The following TTC39C variants were observed in gnomAD, a reference collection of about 807,000 sequenced individuals.
TTC39C encodes tetratricopeptide repeat domain 39C, also known as tetratricopeptide repeat protein 39C.
Under a neutral mutation model 76.3 loss-of-function variants are expected in TTC39C, and 33 were observed. That is an observed-to-expected ratio of 0.43 (90% CI 0.33 to 0.58). The LOEUF (loss-of-function observed/expected upper bound fraction) is 0.58. TTC39C is among the 20% of genes least tolerant of loss of function. The pLI, the probability that TTC39C is intolerant of heterozygous loss-of-function variation, is 0.04. For synonymous variants in TTC39C, 254 were observed against 260.6 expected, an observed-to-expected ratio of 0.97 and a Z score of 0.24; for missense variants, 595 against 701.4, an observed-to-expected ratio of 0.85 and a Z score of 1.71.
rs757168701 is a variant in TTC39C, at chr18:24,123,875, G to C, written c.1228G>C (p.Val410Leu). ...ATGDVDGAQI[V>L]FKEVQKLFKR... ...TGGTGATGTGGATGGGGCACAGATT[G>C]TCTTTAAAGAAGTTCAGAAACTCTT... Residue 410 changes from valine (V) to leucine (L), a missense_variant, in exon 9 of 14, where the codon GTC becomes CTC. Physicochemically the swap from Val to Leu is conservative, Grantham distance 32. Coordinates refer to ENST00000317571, the MANE Select transcript of TTC39C (RefSeq NM_001135993.2). 6.2e-7 allele frequency: 1 copy of C among 1,612,384 alleles called. No homozygotes were observed. The highest frequency in any genetic ancestry group is 8.5e-7 in the Non-Finnish European group (1 of 1,179,676).
intron 1 of TTC39C, 172 bp downstream of exon 1, chr18:24,015,210 T>G (rs539677559): frequency 4.1e-5 from 22 of 542,840 alleles, no homozygotes; most frequent in African/African-American, 3.4e-4. Context: ...CTCTGCCACA[T>G]CTCCTCGTCC....
intron 6 of TTC39C, among the ~76,000 whole-genome samples, chr18:24,104,625 G>A (rs980251841): frequency 6.6e-6 from 1 of 151,826 alleles, no homozygotes; most frequent in Non-Finnish European, 1.5e-5. Context: ...CAGAGACTTC[G>A]TTTGGGCCAC....
intron 5 of TTC39C, among the ~76,000 whole-genome samples, chr18:24,081,740 A>G (rs76636118): frequency 0.03 from 4,563 of 152,260 alleles, 90 homozygotes; most frequent in South Asian, 0.087. Context: ...TATTTAAAAT[A>G]CCATTAATTT....
Position 24,132,580 on chromosome 18 carries a change from C to A in TTC39C, c.*6C>A, listed in dbSNP as rs756180429. On this transcript the variant is annotated 3_prime_UTR_variant, in exon 14 of 14. Coordinates refer to ENST00000317571, the MANE Select transcript of TTC39C (RefSeq NM_001135993.2). Reference sequence around the variant, plus strand: ...GGGAATTGGTTCCTCAGTGACAGACCCGGAACACCCGCTCCGTCCCTCCCC... The same window carrying A: ...GGGAATTGGTTCCTCAGTGACAGACACGGAACACCCGCTCCGTCCCTCCCC... 1.2e-5 allele frequency: 19 copies of A among 1,610,776 alleles called. No individual in the cohort carries two copies. Among genetic ancestry groups the A allele is most frequent in the Non-Finnish European group, 1.6e-5 (19 of 1,178,264 alleles).
At chr18:24,055,474 C>T (rs1293492603) in intron 1 of TTC39C, among the ~76,000 whole-genome samples, 1 of 152,062 alleles carries the variant, frequency 6.6e-6, no homozygotes, top group African/African-American at 2.4e-5. Flanking sequence ...TTGCATTTCC[C>T]TAGTGATTAG....
chr18:24,083,224 C>T, intron 6 of TTC39C, 143 bp downstream of exon 6: 1 of 835,154 alleles, frequency 1.2e-6, no homozygotes, highest in Non-Finnish European at 1.7e-6. Flanking sequence ...TGTGTCTTTG[C>T]TAGGGAAGAC....
chr18:24,011,168 G>C (rs976103033), upstream of TTC39C, among the ~76,000 whole-genome samples: 3 of 152,136 alleles, frequency 2.0e-5, no homozygotes, highest in African/African-American at 7.2e-5. Context: ...AACAGATCTG[G>C]GATTTCCCAG....
At chr18:24,089,152 T>A (rs1398822952) in intron 6 of TTC39C, among the ~76,000 whole-genome samples, 2 of 152,132 alleles carry the variant, frequency 1.3e-5, no homozygotes, top group African/African-American at 4.8e-5. Context: ...CCCCGGGGGA[T>A]CATGGAGAAT....
At chr18:24,083,792 AG>A (rs2084407488) in intron 6 of TTC39C, among the ~76,000 whole-genome samples, 1 of 152,072 alleles carries the variant, frequency 6.6e-6, no homozygotes, top group Non-Finnish European at 1.5e-5. Flanking sequence ...TGCTTGTTTG[AG>A]GTTATGAGGA....
chr18:24,103,942 T>TTG (rs2084711865), intron 6 of TTC39C, among the ~76,000 whole-genome samples: 1 of 149,378 alleles, frequency 6.7e-6, no homozygotes, highest in African/African-American at 2.5e-5. Flanking sequence ...TTTTTTTTTT[T>TTG]TTTGTTTGAG....
intron 8 of TTC39C, among the ~76,000 whole-genome samples, chr18:24,121,626 T>G (rs1005986224): frequency 2.0e-5 from 3 of 152,254 alleles, no homozygotes; most frequent in African/African-American, 7.2e-5. Context: ...ATAGGTGGTG[T>G]TCGTTCTTCA....
upstream of TTC39C, among the ~76,000 whole-genome samples, chr18:24,010,393 T>G (rs1328602840): frequency 2.6e-5 from 4 of 152,166 alleles, no homozygotes; most frequent in Non-Finnish European, 4.4e-5. Flanking sequence ...GGAGAAATCT[T>G]TAGGCTAAAA....
intron 5 of TTC39C, among the ~76,000 whole-genome samples, chr18:24,081,232 A>AT (rs1457712981): frequency 1.3e-5 from 2 of 152,278 alleles, no homozygotes; most frequent in East Asian, 3.9e-4. Flanking sequence ...ATTCTCTGAG[A>AT]TTCACGATTC....
At chr18:24,104,744 G>GA (rs199808453) in intron 6 of TTC39C, among the ~76,000 whole-genome samples, 5 of 151,766 alleles carry the variant, frequency 3.3e-5, no homozygotes, top group African/African-American at 1.2e-4. Flanking sequence ...GTGTGTGTGT[G>GA]ATGAATGAAT....
chr18:24,074,162 T>TA (rs1276217163), intron 4 of TTC39C, among the ~76,000 whole-genome samples: 1 of 152,182 alleles, frequency 6.6e-6, no homozygotes, highest in Non-Finnish European at 1.5e-5. Flanking sequence ...ACATATAAGT[T>TA]AGTTATAGAG....
At chr18:24,088,161 A>C (rs1025070204) in intron 6 of TTC39C, among the ~76,000 whole-genome samples, 3 of 152,240 alleles carry the variant, frequency 2.0e-5, no homozygotes, top group Non-Finnish European at 4.4e-5. Context: ...CAAATCAGCT[A>C]TTTAAATTCC....
At position 24,084,441 on chromosome 18, in the gene TTC39C, C is replaced by T. The variant is rs182127809; in HGVS notation, c.984+1360C>T. Among the ~76,000 whole-genome samples, 586 of 152,172 alleles carry T rather than the reference C, an allele frequency of 3.9e-3. 2 individuals carry two copies. Among genetic ancestry groups the T allele is most frequent in the African/African-American group, 0.013 (545 of 41,520 alleles). On this transcript the variant is annotated intron_variant, in intron 6 of 13. Coordinates refer to ENST00000317571, the MANE Select transcript of TTC39C (RefSeq NM_001135993.2). ...CAGAGGTTGTAGTGAGCCGAGATTG[C>T]GCCACTGCACTCCAGCCTGGGTGAC... is the stretch of plus-strand genomic sequence containing the variant.
At chr18:24,131,076 C>A (rs1271314773) in intron 12 of TTC39C, among the ~76,000 whole-genome samples, 2 of 125,608 alleles carry the variant, frequency 1.6e-5, no homozygotes. Flanking sequence ...CATAGTCAGG[C>A]GTGGCAGCAT....
At chr18:24,117,747 G>A (rs1257966495) in intron 7 of TTC39C, among the ~76,000 whole-genome samples, 1 of 151,792 alleles carries the variant, frequency 6.6e-6, no homozygotes, top group African/African-American at 2.4e-5. Context: ...TAGTCACTGA[G>A]TACATAATCG....
Sources: gnomAD v4.1 joint callset for allele counts (sites outside exome capture counted in the v4.1 genomes callset) on GRCh38, gnomAD v4.1.1 for gene constraint, MANE v1.5 for transcripts, NCBI Gene and HGNC (gene_info 2026-07-23, HGNC 2026-07-21) for gene names.